EPB41L3: variants seen among roughly 807,000 people sequenced by gnomAD.
EPB41L3 encodes the protein erythrocyte membrane protein band 4.1 like 3.
Under a neutral mutation model 127.1 loss-of-function variants are expected in EPB41L3, and 57 were observed. The observed-to-expected ratio is 0.45, with a 90% confidence interval of 0.36 to 0.56. EPB41L3 has a LOEUF of 0.56. Among genes scored for constraint, EPB41L3 ranks in the 20% least tolerant of loss-of-function variants. EPB41L3 has a pLI of 0.00. For missense variants in EPB41L3, 1,273 were observed against 1,372.2 expected (o/e 0.93, Z 1.14); for synonymous variants, 572 against 549.5 (o/e 1.04, Z -0.57).
chr18:5,484,432 G>A (rs1368756615), intron 2 of EPB41L3, among the ~76,000 whole-genome samples: 1 of 151,294 alleles, frequency 6.6e-6, no homozygotes, highest in Non-Finnish European at 1.5e-5. Flanking sequence ...TGCACCTCAA[G>A]GGACTAGAAA....
chr18:5,559,202 A>G (rs1229179024), intron 3 of EPB41L3, among the ~76,000 whole-genome samples: 1 of 152,270 alleles, frequency 6.6e-6, no homozygotes, highest in Non-Finnish European at 1.5e-5. Flanking sequence ...CTAAGAACAC[A>G]GATGATAAAG....
chr18:5,395,496 T>A, intron 20 of EPB41L3, 113 bp downstream of exon 20: 1 of 974,838 alleles, frequency 1.0e-6, no homozygotes, highest in Non-Finnish European at 1.6e-6. Context: ...CCCGGCGTCC[T>A]GAGCTTCAAG....
intron 1 of EPB41L3, among the ~76,000 whole-genome samples, chr18:5,494,668 A>AC (rs1318132684): frequency 1.1e-5 from 1 of 89,336 alleles, no homozygotes; most frequent in Admixed American, 1.1e-4. Context: ...CCCTCCCCCC[A>AC]CCCAAAAAAA....
intron 16 of EPB41L3, chr18:5,400,456 A>G: frequency 2.2e-6 from 1 of 454,132 alleles, no homozygotes; most frequent in Non-Finnish European, 4.4e-6. Flanking sequence ...ATTGATCTAC[A>G]TGTTGTTGCT....
chr18:5,590,790 G>T (rs2094478671), intron 3 of EPB41L3, among the ~76,000 whole-genome samples: 1 of 152,174 alleles, frequency 6.6e-6, no homozygotes, highest in Admixed American at 6.5e-5. Flanking sequence ...CTGAATGAAA[G>T]AAGTCAGTCT....
At chr18:5,481,582 G>A (rs2088524987) in intron 2 of EPB41L3, among the ~76,000 whole-genome samples, 1 of 152,208 alleles carries the variant, frequency 6.6e-6, no homozygotes, top group Non-Finnish European at 1.5e-5. Flanking sequence ...ACTCTCTGAA[G>A]GGAGAAATAT....
At chr18:5,550,359 T>G (rs1201402852) in intron 3 of EPB41L3, among the ~76,000 whole-genome samples, 1 of 152,184 alleles carries the variant, frequency 6.6e-6, no homozygotes, top group East Asian at 1.9e-4. Flanking sequence ...GGAATTTTAT[T>G]TCAGAAAAAC....
chr18:5,425,155 A>C (rs2077996585), intron 9 of EPB41L3, among the ~76,000 whole-genome samples: 1 of 152,236 alleles, frequency 6.6e-6, no homozygotes, highest in Admixed American at 6.5e-5. Context: ...CAAAGAGCAC[A>C]CAATGGGTAC....
chr18:5,496,316 T>G (rs1302429456), intron 1 of EPB41L3, among the ~76,000 whole-genome samples: 1 of 152,246 alleles, frequency 6.6e-6, no homozygotes, highest in Admixed American at 6.5e-5. Flanking sequence ...TGCCAGCGCA[T>G]AAATTTGCCT....
At chr18:5,468,587 G>C (rs975184687) in intron 3 of EPB41L3, among the ~76,000 whole-genome samples, 2 of 152,160 alleles carry the variant, frequency 1.3e-5, no homozygotes, top group Admixed American at 6.5e-5. Flanking sequence ...CAGGATGACC[G>C]GCCTGCAGAC....
At chr18:5,423,858 G>T (rs1251660254) in intron 10 of EPB41L3, among the ~76,000 whole-genome samples, 1 of 152,156 alleles carries the variant, frequency 6.6e-6, no homozygotes, top group African/African-American at 2.4e-5. Flanking sequence ...TATTAGTGAA[G>T]AAGAAGAGTG....
chr18:5,478,450 A>G lies in EPB41L3; in HGVS notation c.184-12T>C, dbSNP rs2087694811. 2 of 1,613,406 alleles carry G rather than the reference A, an allele frequency of 1.2e-6. No individual in the cohort carries two copies. The highest frequency in any genetic ancestry group is 3.3e-5 in the Admixed American group (2 of 59,996). On this transcript the variant is annotated splice_polypyrimidine_tract_variant and intron_variant, in intron 2 of 22. Transcript: ENST00000341928. ...TCCTTGTCAGTGACCTGTGAAGAGC[A>G]AACAATCAACAGTTTTCATTGCAAG... is the stretch of plus-strand genomic sequence containing the variant.
chr18:5,541,085 A>AAC (rs1449356862), intron 1 of EPB41L3, among the ~76,000 whole-genome samples: 22 of 28,054 alleles, frequency 7.8e-4, no homozygotes, highest in South Asian at 4.2e-3. Context: ...ACTCCGTCTC[A>AAC]AAAAAAAAAA....
intron 13 of EPB41L3, among the ~76,000 whole-genome samples, chr18:5,414,382 G>T (rs916639520): frequency 6.6e-6 from 1 of 152,072 alleles, no homozygotes; most frequent in East Asian, 1.9e-4. Context: ...TATTAAAAGT[G>T]TAGACTTTTA....
chr18:5,619,181 G>C (rs2094832079), intron 1 of EPB41L3, among the ~76,000 whole-genome samples: 1 of 152,028 alleles, frequency 6.6e-6, no homozygotes, highest in South Asian at 2.1e-4. Context: ...AGGGAAGGTG[G>C]GGGTTAGGAT....
intron 5 of EPB41L3, 25 bp downstream of exon 5, chr18:5,443,813 C>A (rs1568201724): frequency 6.9e-6 from 11 of 1,602,994 alleles, no homozygotes; most frequent in Non-Finnish European, 8.5e-6. Context: ...CACATTTCCA[C>A]AAAAAATAAT....
At chr18:5,621,793 G>GT (rs2094865735) in intron 1 of EPB41L3, among the ~76,000 whole-genome samples, 2 of 152,256 alleles carry the variant, frequency 1.3e-5, no homozygotes, top group East Asian at 1.9e-4. Context: ...ACATGAAAGT[G>GT]TAACAGTTTT....
upstream of EPB41L3, among the ~76,000 whole-genome samples, chr18:5,629,185 C>A (rs954204973): frequency 6.6e-6 from 1 of 152,042 alleles, no homozygotes. Context: ...ACGCCTCGAT[C>A]CCCCACCCGC....
intron 3 of EPB41L3, among the ~76,000 whole-genome samples, chr18:5,568,970 G>C (rs1568587178): frequency 6.6e-6 from 1 of 152,176 alleles, no homozygotes; most frequent in Non-Finnish European, 1.5e-5. Flanking sequence ...TTTAATGCTG[G>C]TTATGCAGTC....
Sources: gnomAD v4.1 joint callset for allele counts (sites outside exome capture counted in the v4.1 genomes callset) on GRCh38, gnomAD v4.1.1 for gene constraint, MANE v1.5 for transcripts, NCBI Gene and HGNC (gene_info 2026-07-23, HGNC 2026-07-21) for gene names.